Variants in SOCS5 observed in about 807,000 individuals in gnomAD.
SOCS5 encodes the protein CIS-6.
A neutral mutation model predicts 42.8 loss-of-function variants in SOCS5; 32 were observed. The ratio of observed to expected loss-of-function variants is 0.75; its 90% CI spans 0.56 to 1.01. The LOEUF (loss-of-function observed/expected upper bound fraction) is 1.01. Among genes scored for constraint, SOCS5 ranks in the 50% least tolerant of loss-of-function variants. The pLI is 0.00. For missense variants in SOCS5, 627 were observed against 653.0 expected, an observed-to-expected ratio of 0.96 and a Z score of 0.43; for synonymous variants, 283 against 229.6, an observed-to-expected ratio of 1.23 and a Z score of -2.10.
At chr2:46,704,927 C>T (rs1265280586) in intron 1 of SOCS5, among the ~76,000 whole-genome samples, 2 of 152,040 alleles carry the variant, frequency 1.3e-5, no homozygotes, top group African/African-American at 4.8e-5. Flanking sequence ...ACTCCACCTC[C>T]CAACCACTGG....
chr2:46,761,964 C>G lies in SOCS5; in HGVS notation c.*1823C>G, dbSNP rs1572850969. 6.0e-6 allele frequency: 1 copy of G among 167,020 alleles called. No individual in the cohort carries two copies. The highest frequency in any genetic ancestry group is 1.9e-4 in the East Asian group (1 of 5,212). The allele number at this position is 167,020 out of a possible 1,614,324, so 10.3% of individuals were successfully genotyped here. A position where few individuals can be genotyped will look rare whatever the true frequency, so the allele number is the denominator to read the frequency against. On this transcript the variant is annotated 3_prime_UTR_variant, in exon 2 of 2. Coordinates refer to ENST00000394861, the MANE Select transcript of SOCS5 (RefSeq NM_144949.3). ...GTAAATGAGTATCTGTAACCTCCCA[C>G]TGCATCAGAAGCAGGTTAAATGAAG...
intron 1 of SOCS5, among the ~76,000 whole-genome samples, chr2:46,736,941 A>C (rs1294671179): frequency 6.6e-6 from 1 of 152,128 alleles, no homozygotes; most frequent in Admixed American, 6.5e-5. Context: ...AGCATTATGT[A>C]GGCACTCAAA....
rs768070642 is a variant in SOCS5, at chr2:46,758,967, G to T, written c.437G>T (p.Arg146Leu). ...GCTGATAAAAAGTTTGGTAGAACTC[G>T]AAGTGGACTTCAAAGGAGAGAGAGG... is the stretch of plus-strand genomic sequence containing the variant. Reference protein sequence around the residue: ...LDADKKFGRTRSGLQRRERRY... With the variant: ...LDADKKFGRTLSGLQRRERRY... The change falls in exon 2 of 2, where the codon CGA (arginine) becomes CTA (leucine). Residue 146 changes from arginine to leucine, a missense_variant. Physicochemically the swap from Arg to Leu is moderately radical, Grantham distance 102. Around this residue, in one of 3 missense-constraint regions of SOCS5, gnomAD observed 278 missense variants for 246.3 expected, o/e 1.13. Transcript: ENST00000394861. 1 of 1,613,940 alleles carries T rather than the reference G, an allele frequency of 6.2e-7. No homozygotes were observed. The highest frequency in any genetic ancestry group is 8.5e-7 in the Non-Finnish European group (1 of 1,179,836).
chr2:46,726,027 C>T (rs953966473), intron 1 of SOCS5, among the ~76,000 whole-genome samples: 1 of 151,372 alleles, frequency 6.6e-6, no homozygotes, highest in African/African-American at 2.4e-5. Context: ...CAAAATTTTT[C>T]GTTTTTATTT....
At chr2:46,743,716 G>T (rs138244253) in intron 1 of SOCS5, among the ~76,000 whole-genome samples, 18 of 152,092 alleles carry the variant, frequency 1.2e-4, no homozygotes, top group Non-Finnish European at 2.5e-4. Context: ...GCAAACATAT[G>T]TATACTTGAA....
chr2:46,746,316 C>T (rs2103748577), intron 1 of SOCS5, among the ~76,000 whole-genome samples: 1 of 152,212 alleles, frequency 6.6e-6, no homozygotes, highest in East Asian at 1.9e-4. Context: ...GAATATCTAG[C>T]ATGTTTTCTC....
intron 1 of SOCS5, among the ~76,000 whole-genome samples, chr2:46,740,894 T>A (rs1355823248): frequency 1.3e-5 from 2 of 152,094 alleles, no homozygotes; most frequent in African/African-American, 4.8e-5. Context: ...TCAGGATCCT[T>A]CCTCAGCCAT....
At chr2:46,711,985 T>G (rs1007732283) in intron 1 of SOCS5, among the ~76,000 whole-genome samples, 2 of 152,226 alleles carry the variant, frequency 1.3e-5, no homozygotes, top group African/African-American at 2.4e-5. Flanking sequence ...TAGCATTAAG[T>G]CTTGAAATAA....
chr2:46,733,029 A>G (rs1572839527), intron 1 of SOCS5, among the ~76,000 whole-genome samples: 1 of 151,908 alleles, frequency 6.6e-6, no homozygotes, highest in East Asian at 1.9e-4. Flanking sequence ...TCCACTGGCA[A>G]ATAATTACGT....
At chr2:46,758,453 G>A (rs1673775929) in intron 1 of SOCS5, 66 bp from the exon 2 acceptor site, 1 of 1,132,796 alleles carries the variant, frequency 8.8e-7, no homozygotes, top group East Asian at 2.5e-5. Context: ...TGTGGGCACT[G>A]CCTTAGCTAC....
intron 1 of SOCS5, among the ~76,000 whole-genome samples, chr2:46,745,978 T>C (rs1673486470): frequency 2.0e-5 from 3 of 152,130 alleles, no homozygotes; most frequent in Non-Finnish European, 4.4e-5. Flanking sequence ...TACCGTTAAC[T>C]GTTGTTTTGC....
intron 1 of SOCS5, among the ~76,000 whole-genome samples, chr2:46,728,560 T>G (rs1673045344): frequency 1.3e-5 from 2 of 152,148 alleles, no homozygotes; most frequent in African/African-American, 4.8e-5. Context: ...CAGGGATTTT[T>G]ATTTCTTCCT....
At chr2:46,712,500 C>T (rs181982985) in intron 1 of SOCS5, among the ~76,000 whole-genome samples, 105 of 152,200 alleles carry the variant, frequency 6.9e-4, no homozygotes, top group African/African-American at 2.4e-3. Flanking sequence ...CGTGCCACCA[C>T]GCCCAGATAA....
chr2:46,745,909 C>T (rs544492726), intron 1 of SOCS5, among the ~76,000 whole-genome samples: 1 of 152,288 alleles, frequency 6.6e-6, no homozygotes, highest in East Asian at 1.9e-4. Flanking sequence ...CATTTGATCA[C>T]CTTCATTCTC....
intron 1 of SOCS5, among the ~76,000 whole-genome samples, chr2:46,721,549 C>G (rs1672884992): frequency 6.6e-6 from 1 of 152,088 alleles, no homozygotes; most frequent in Non-Finnish European, 1.5e-5. Flanking sequence ...GTGCTGTTGT[C>G]ATTTAAAAGG....
chr2:46,714,257 T>A (rs1558401137), intron 1 of SOCS5, among the ~76,000 whole-genome samples: 1 of 152,208 alleles, frequency 6.6e-6, no homozygotes, highest in East Asian at 1.9e-4. Context: ...AACTGCAGTT[T>A]TGGATTTGTC....
rs1369591059 is a variant in SOCS5, at chr2:46,730,438, TA to T, written c.-12-28076del. ...CAACATGGTGAAACCCCGTCTCTAC[TA>T]AAAATACAAAATTAGCCAGGCATGG... On this transcript the variant is annotated intron_variant, in intron 1 of 1. Transcript: ENST00000394861. Among the ~76,000 whole-genome samples the T allele has an allele frequency of 1.2e-4, 18 of 151,916 alleles. No homozygotes were observed. The East Asian group carries it at 2.5e-3, about 21-fold the overall frequency.
intron 1 of SOCS5, among the ~76,000 whole-genome samples, chr2:46,755,356 T>A (rs1368190815): frequency 6.6e-6 from 1 of 152,166 alleles, no homozygotes; most frequent in Non-Finnish European, 1.5e-5. Context: ...TTGTAATAGA[T>A]ACTAGTTGGC....
chr2:46,748,003 C>A (rs895725466), intron 1 of SOCS5, among the ~76,000 whole-genome samples: 3 of 152,070 alleles, frequency 2.0e-5, no homozygotes, highest in Non-Finnish European at 2.9e-5. Context: ...ATTGGTAAAA[C>A]CAAAACTAAG....
Sources: gnomAD v4.1 joint callset for allele counts (sites outside exome capture counted in the v4.1 genomes callset) on GRCh38, gnomAD v4.1.1 for gene constraint, gnomAD v4.1.1 regional missense constraint, MANE v1.5 for transcripts, NCBI Gene and HGNC (gene_info 2026-07-23, HGNC 2026-07-21) for gene names.